ITGA2B: variants seen among roughly 807,000 people sequenced by gnomAD.
The protein encoded by ITGA2B is integrin subunit alpha 2b.
ITGA2B carries 91 observed loss-of-function variants against 142.0 expected under a neutral mutation model. That is an observed-to-expected ratio of 0.64 (90% CI 0.54 to 0.76). The LOEUF (loss-of-function observed/expected upper bound fraction) is 0.76. Among genes scored for constraint, ITGA2B ranks in the 30% least tolerant of loss-of-function variants. The pLI is 0.00. For synonymous variants in ITGA2B, 536 were observed against 567.2 expected, an observed-to-expected ratio of 0.94 and a Z score of 0.78; for missense variants, 1,231 against 1,350.8, an observed-to-expected ratio of 0.91 and a Z score of 1.39.
In ITGA2B at chr17:44,384,293, A is replaced by C. The variant is rs775563949; in HGVS notation, c.891+18T>G. 6.2e-7 allele frequency: 1 copy of C among 1,612,840 alleles called. No individual in the cohort carries two copies. The highest frequency in any genetic ancestry group is 8.5e-7 in the Non-Finnish European group (1 of 1,179,806). ...TGGGATAAGGGGCTTCGGGAGGCCC[A>C]GTGGTGGGGGCACTTACCGCTCCCA... On this transcript the variant is annotated intron_variant, in intron 9 of 29. Transcript: ENST00000262407.
chr17:44,375,088 A>G lies in ITGA2B; in HGVS notation c.2751T>C (p.Thr917=). 1.9e-6 allele frequency: 3 copies of G among 1,548,996 alleles called. No homozygotes were observed. The highest frequency in any genetic ancestry group is 2.4e-5 in the South Asian group (2 of 84,046). The part of the protein sequence containing the change: ...VLVSCDSAPC[T]VVQCDLQEMA... ...TCTCCTGCAGGTCACACTGCACCAC[A>G]GTACAGGGCGCCGAGTCGCAGCTCT... The change falls in exon 27 of 30, where the codon ACT becomes ACC. Residue 917 remains threonine, a synonymous_variant. Transcript: ENST00000262407.
At chr17:44,383,124 C>T (rs900805001) in intron 12 of ITGA2B, among the ~76,000 whole-genome samples, 16 of 152,178 alleles carry the variant, frequency 1.1e-4, no homozygotes, top group Non-Finnish European at 1.6e-4. Flanking sequence ...ACCTGCTGCA[C>T]GGCCTGAGTT....
intron 29 of ITGA2B, among the ~76,000 whole-genome samples, chr17:44,372,794 A>G (rs987981736): frequency 2.0e-5 from 3 of 150,832 alleles, no homozygotes; most frequent in Non-Finnish European, 4.4e-5. Context: ...ACGCCCAGCT[A>G]ATTTTTAGTA....
At position 44,382,906 on chromosome 17, in the gene ITGA2B, C is replaced by T. The variant is rs900930941; in HGVS notation, c.1210+587G>A. Among the ~76,000 whole-genome samples, 48 of 152,180 alleles carry T rather than the reference C, an allele frequency of 3.2e-4. 2 individuals carry two copies. Among genetic ancestry groups the T allele is most frequent in the African/African-American group, 1.1e-3 (47 of 41,506 alleles). ...TAGGAGTCACCTAAATGCTTTTGCT[C>T]CCTAGGGCTCTATCCTGGGCCTCTT... On this transcript the variant is annotated intron_variant, in intron 12 of 29. Transcript: ENST00000262407.
chr17:44,375,563 C>G (rs555427538), intron 26 of ITGA2B, 28 bp downstream of exon 26: 2 of 1,611,642 alleles, frequency 1.2e-6, no homozygotes, highest in Non-Finnish European at 1.7e-6. Flanking sequence ...CCGGGGAGGC[C>G]GGGCCAGAGA....
intron 11 of ITGA2B, 89 bp from the exon 12 acceptor site, chr17:44,383,793 C>T (rs1230301370): frequency 5.1e-6 from 8 of 1,562,606 alleles, no homozygotes; most frequent in African/African-American, 1.4e-5. Flanking sequence ...TCTCCTGTTC[C>T]TCCAGTGGAT....
Position 44,375,721 on chromosome 17 carries a change from G to A in ITGA2B, c.2602-5C>T, listed in dbSNP as rs563310309. On this transcript the variant is annotated splice_region_variant and splice_polypyrimidine_tract_variant and intron_variant, in intron 25 of 29. Transcript: ENST00000262407. ...GATGGGCAGCCCCCAGTCCACCTGGGGGGGCAAAGGAGTGGTCAGGCCCAG... is the reference window on the plus strand; with the variant it reads ...GATGGGCAGCCCCCAGTCCACCTGGAGGGGCAAAGGAGTGGTCAGGCCCAG... The A allele has an allele frequency of 5.1e-6, 8 of 1,573,262 alleles. No individual in the cohort carries two copies. The highest frequency in any genetic ancestry group is 1.3e-5 in the African/African-American group (1 of 74,320).
At chr17:44,381,159 C>T in intron 12 of ITGA2B, 98 bp from the exon 13 acceptor site, 1 of 1,226,016 alleles carries the variant, frequency 8.2e-7, no homozygotes, top group South Asian at 1.4e-5. Context: ...TCCCAGGAGA[C>T]TAGGAAAGGG....
chr17:44,377,020 C>A lies in ITGA2B; in HGVS notation c.2256G>T (p.Leu752=). 1 of 1,591,290 alleles carries A rather than the reference C, an allele frequency of 6.3e-7. No individual in the cohort carries two copies. Among genetic ancestry groups the A allele is most frequent in the Non-Finnish European group, 8.6e-7 (1 of 1,169,338 alleles). Residue 752 remains leucine (L), a synonymous_variant, in exon 22 of 30, where the codon CTG becomes CTT. Coordinates refer to ENST00000262407, the MANE Select transcript of ITGA2B (RefSeq NM_000419.5). ...CGCCAGGTCAGTACCTCCGTATCTGCAGCTGGAAGGACACAGACTCCCCAG... is the reference window on the plus strand; with the variant it reads ...CGCCAGGTCAGTACCTCCGTATCTGAAGCTGGAAGGACACAGACTCCCCAG... ...EEAGESVSFQ[L]QIRSKNSQNP...
chr17:44,374,781 A>C (rs756486271), intron 27 of ITGA2B, 21 bp from the exon 28 acceptor site: 3 of 1,600,624 alleles, frequency 1.9e-6, no homozygotes, highest in Non-Finnish European at 2.6e-6. Flanking sequence ...TGGGGTTGAA[A>C]GCCGTTTACA....
In ITGA2B at chr17:44,375,617, A is replaced by T. The variant is rs1370584200; in HGVS notation, c.2701T>A (p.Ser901Thr). Residue 901 changes from serine (S) to threonine (T), a missense_variant, in exon 26 of 30, where the codon TCG becomes ACG. By Grantham distance (58) the Ser-to-Thr change is moderately conservative. This residue lies in a region of ITGA2B where 908 missense variants were observed against 1,021.1 expected (regional missense o/e 0.89). Transcript: ENST00000262407. ...ACGAGAACTGGATCCTGAAGCCTCG[A>T]GGGCTGCTCGGGCTCTGGCAGGAAG... The part of the protein sequence containing the change: ...QIFLPEPEQP[S>T]RLQDPVLVSC... The T allele has an allele frequency of 1.2e-6, 2 of 1,613,872 alleles. No individual in the cohort carries two copies. Among genetic ancestry groups the T allele is most frequent in the South Asian group, 2.2e-5 (2 of 91,030 alleles).
chr17:44,386,668 C>T (rs1046748813), intron 1 of ITGA2B, among the ~76,000 whole-genome samples: 1 of 152,154 alleles, frequency 6.6e-6, no homozygotes, highest in Non-Finnish European at 1.5e-5. Context: ...AATTTCATAA[C>T]CAATGACTGG....
In ITGA2B at chr17:44,374,665, T is replaced by C. The variant is rs368301452; in HGVS notation, c.2937A>G (p.Glu979=). 25 of 1,613,294 alleles carry C rather than the reference T, an allele frequency of 1.5e-5. No homozygotes were observed. Among genetic ancestry groups the C allele is most frequent in the Non-Finnish European group, 2.0e-5 (24 of 1,179,320 alleles). ...AVPPLSLPRG[E]AQVWTQLLRA... ...TCCATCCCCCCACACTCACCTGAGC[T>C]TCCCCTCGGGGCAGGCTGAGCGGGG... The change falls in exon 28 of 30, where the codon GAA becomes GAG. Residue 979 remains glutamate, a synonymous_variant. Transcript: ENST00000262407.
chr17:44,380,677 C>T (rs751998854), intron 13 of ITGA2B, 32 bp from the exon 14 acceptor site: 2 of 1,614,046 alleles, frequency 1.2e-6, no homozygotes, highest in East Asian at 2.2e-5. Flanking sequence ...TCAGAATTGG[C>T]GATTAGGGCA....
intron 29 of ITGA2B, among the ~76,000 whole-genome samples, chr17:44,372,932 CTTTTTT>C (rs2048509596): frequency 6.6e-6 from 1 of 151,900 alleles, no homozygotes; most frequent in Non-Finnish European, 1.5e-5. Context: ...CTGAATTTTT[CTTTTTT>C]ATTTTATTTT....
intron 25 of ITGA2B, 58 bp from the exon 26 acceptor site, chr17:44,375,774 G>A (rs2048536874): frequency 1.9e-6 from 3 of 1,556,648 alleles, no homozygotes; most frequent in Admixed American, 2.0e-5. Flanking sequence ...GCCCACAGAG[G>A]TGCCCCGGTG....
chr17:44,383,884 C>G lies in ITGA2B; in HGVS notation c.998+10G>C. 5 of 1,613,234 alleles carry G rather than the reference C, an allele frequency of 3.1e-6. No homozygotes were observed. The Admixed American group carries it at 5.0e-5, about 16-fold the overall frequency. On this transcript the variant is annotated intron_variant, in intron 11 of 29. Coordinates refer to ENST00000262407, the MANE Select transcript of ITGA2B (RefSeq NM_000419.5). Reference sequence around the variant, plus strand: ...CCAACTGGGTAGGGGTGGGGCATGTCCCTCCTCACCCATCCCCGTTGACGT... The same window carrying G: ...CCAACTGGGTAGGGGTGGGGCATGTGCCTCCTCACCCATCCCCGTTGACGT...
intron 4 of ITGA2B, 64 bp from the exon 5 acceptor site, chr17:44,385,399 A>T: frequency 6.5e-7 from 1 of 1,541,468 alleles, no homozygotes; most frequent in Non-Finnish European, 8.7e-7. Context: ...AGCCCGGAGG[A>T]GGGCTGGGGG....
At chr17:44,387,871 A>C (rs940195354) in intron 1 of ITGA2B, among the ~76,000 whole-genome samples, 5 of 151,196 alleles carry the variant, frequency 3.3e-5, no homozygotes, top group Non-Finnish European at 5.9e-5. Context: ...GAAGAAAAAA[A>C]GAATTGTCAG....
Sources: gnomAD v4.1 joint callset for allele counts (sites outside exome capture counted in the v4.1 genomes callset) on GRCh38, gnomAD v4.1.1 for gene constraint, gnomAD v4.1.1 regional missense constraint, MANE v1.5 for transcripts, NCBI Gene and HGNC (gene_info 2026-07-23, HGNC 2026-07-21) for gene names.